The following CHST9 variants were observed in gnomAD, a reference collection of about 807,000 sequenced individuals.
The protein encoded by CHST9 is carbohydrate sulfotransferase 9.
Under a neutral mutation model 44.4 loss-of-function variants are expected in CHST9, and 41 were observed. That is an observed-to-expected ratio of 0.92 (90% CI 0.72 to 1.20). CHST9 has a LOEUF of 1.20. Among genes scored for constraint, CHST9 ranks in the 50% most tolerant of loss-of-function variants. The probability of loss-of-function intolerance (pLI) is 0.00; values close to 1 mark genes in which losing one functional copy is unlikely to be tolerated. For synonymous variants in CHST9, 171 were observed against 178.4 expected (o/e 0.96, Z 0.33); for missense variants, 504 against 516.5 (o/e 0.98, Z 0.23).
chr18:26,925,587 G>C (rs576419406), intron 5 of CHST9, among the ~76,000 whole-genome samples: 1 of 152,194 alleles, frequency 6.6e-6, no homozygotes, highest in Non-Finnish European at 1.5e-5. Context: ...GATAATGGTC[G>C]TTAAGAACAT....
intron 5 of CHST9, among the ~76,000 whole-genome samples, chr18:26,940,663 C>A (rs960779697): frequency 1.6e-4 from 24 of 152,130 alleles, no homozygotes; most frequent in African/African-American, 4.8e-4. Flanking sequence ...GAGATCCCAT[C>A]AGAAGTGCCC....
intron 4 of CHST9, among the ~76,000 whole-genome samples, chr18:26,974,352 A>G (rs2056591075): frequency 6.6e-6 from 1 of 152,236 alleles, no homozygotes; most frequent in Non-Finnish European, 1.5e-5. Context: ...CAGTGTTCCA[A>G]CACAGGTGGA....
intron 3 of CHST9, among the ~76,000 whole-genome samples, chr18:27,047,216 G>T (rs1411488022): frequency 6.6e-6 from 1 of 151,984 alleles, no homozygotes; most frequent in Non-Finnish European, 1.5e-5. Flanking sequence ...GGCCAACTTA[G>T]CTTTCTTCCA....
chr18:27,094,009 T>C (rs1391123899), intron 2 of CHST9, among the ~76,000 whole-genome samples: 2 of 152,172 alleles, frequency 1.3e-5, no homozygotes, highest in Non-Finnish European at 2.9e-5. Flanking sequence ...AAAAACCATA[T>C]AGTGGAGCAC....
chr18:27,180,243 A>G (rs543041826), intron 1 of CHST9, among the ~76,000 whole-genome samples: 21 of 152,280 alleles, frequency 1.4e-4, no homozygotes, highest in Non-Finnish European at 2.9e-4. Flanking sequence ...TTTATTCATC[A>G]TATATTCATA....
At position 27,010,765 on chromosome 18, in the gene CHST9, C is replaced by G. The variant is rs76475590; in HGVS notation, c.202+13351G>C. ...AAATGTCTCAAGGGATGATGGGAAG[C>G]CCCATCTTGATATCTGATTGGGAAT... On this transcript the variant is annotated intron_variant, in intron 4 of 5. Transcript: ENST00000618847. 7.8e-3 allele frequency among the ~76,000 whole-genome samples: 1,185 copies of G among 152,262 alleles called. 19 individuals carry two copies. Among genetic ancestry groups the G allele is most frequent in the African/African-American group, 0.026 (1,099 of 41,540 alleles).
intron 1 of CHST9, among the ~76,000 whole-genome samples, chr18:27,177,416 A>G (rs1425812856): frequency 6.6e-6 from 1 of 151,862 alleles, no homozygotes; most frequent in East Asian, 1.9e-4. Context: ...AGCTGGACCT[A>G]TAGGTCACCA....
chr18:27,150,537 A>G lies in CHST9; in HGVS notation c.-96-7632T>C, dbSNP rs116156316. Among the ~76,000 whole-genome samples, 1,207 of 152,094 alleles carry G rather than the reference A, an allele frequency of 7.9e-3. 19 individuals are homozygous for G. The highest frequency in any genetic ancestry group is 0.028 in the African/African-American group (1,148 of 41,404). On this transcript the variant is annotated intron_variant, in intron 1 of 5. Coordinates refer to ENST00000618847, the MANE Select transcript of CHST9 (RefSeq NM_031422.6). ...CAGCAGCTTCCAAATTTAAAGTCTA[A>G]CAGGCTTACTACAGTTTCAGCCCAT...
intron 2 of CHST9, among the ~76,000 whole-genome samples, chr18:27,075,069 A>T (rs1186138397): frequency 1.3e-5 from 2 of 151,242 alleles, no homozygotes; most frequent in African/African-American, 4.8e-5. Context: ...ATAAAGAAAA[A>T]TGAAACACTC....
intron 2 of CHST9, among the ~76,000 whole-genome samples, chr18:27,130,177 T>C (rs1347039050): frequency 6.6e-6 from 1 of 152,224 alleles, no homozygotes; most frequent in African/African-American, 2.4e-5. Flanking sequence ...GAAAATTACG[T>C]AGTTTGGACT....
intron 2 of CHST9, among the ~76,000 whole-genome samples, chr18:27,140,256 C>A (rs771581933): frequency 1.3e-5 from 2 of 152,190 alleles, no homozygotes; most frequent in Non-Finnish European, 2.9e-5. Flanking sequence ...GGATACGCCC[C>A]TTATCCCTCT....
chr18:26,978,440 C>T (rs898353881), intron 4 of CHST9, among the ~76,000 whole-genome samples: 1 of 151,874 alleles, frequency 6.6e-6, no homozygotes, highest in Non-Finnish European at 1.5e-5. Context: ...TTATTGCCAC[C>T]CCTCACAAAT....
chr18:27,141,497 A>T lies in CHST9; in HGVS notation c.121+1192T>A, dbSNP rs374379779. Reference sequence around the variant, plus strand: ...ACCCAGCTACTTGGGAGGCTGAGGCAGAAGAATCACTTGAACCTGGGAGGC... The same window carrying T: ...ACCCAGCTACTTGGGAGGCTGAGGCTGAAGAATCACTTGAACCTGGGAGGC... On this transcript the variant is annotated intron_variant, in intron 2 of 5. Coordinates refer to ENST00000618847, the MANE Select transcript of CHST9 (RefSeq NM_031422.6). Among the ~76,000 whole-genome samples, 11 of 150,770 alleles carry T rather than the reference A, an allele frequency of 7.3e-5. No homozygotes were observed. The East Asian group carries it at 2.2e-3, about 30-fold the overall frequency.
chr18:27,069,514 T>C (rs975910848), intron 2 of CHST9, among the ~76,000 whole-genome samples: 6 of 152,222 alleles, frequency 3.9e-5, no homozygotes, highest in Admixed American at 1.3e-4. Context: ...CTTCTTCCTA[T>C]ACTCATATTA....
chr18:27,154,830 C>G (rs2058685842), intron 1 of CHST9, among the ~76,000 whole-genome samples: 1 of 151,894 alleles, frequency 6.6e-6, no homozygotes, highest in Non-Finnish European at 1.5e-5. Flanking sequence ...TGCCTGTAAT[C>G]CCAGCACTTT....
chr18:26,943,866 C>G lies in CHST9; in HGVS notation c.240+463G>C, dbSNP rs546110854. ...GCCAACTGTGAGTAGAAACAAAAGA[C>G]CAGAATGGAAGATCAACTTGTGGTA... On this transcript the variant is annotated intron_variant, in intron 5 of 5. Transcript: ENST00000618847. Among the ~76,000 whole-genome samples, 85 of 152,242 alleles carry G rather than the reference C, an allele frequency of 5.6e-4. 1 individual carries two copies. Among genetic ancestry groups the G allele is most frequent in the African/African-American group, 2.0e-3 (83 of 41,542 alleles).
chr18:27,144,580 G>A (rs111758679), intron 1 of CHST9, among the ~76,000 whole-genome samples: 5 of 152,070 alleles, frequency 3.3e-5, no homozygotes, highest in African/African-American at 1.2e-4. Flanking sequence ...CCCAGATACT[G>A]GAAAGCCTGA....
intron 1 of CHST9, among the ~76,000 whole-genome samples, chr18:27,148,871 T>C (rs372768556): frequency 7.1e-6 from 1 of 140,472 alleles, no homozygotes; most frequent in African/African-American, 2.6e-5. Context: ...TACAGTTCCA[T>C]CAACAGTGTA....
At chr18:27,091,055 A>T (rs2058063647) in intron 2 of CHST9, among the ~76,000 whole-genome samples, 1 of 152,078 alleles carries the variant, frequency 6.6e-6, no homozygotes. Flanking sequence ...CATTTTCATG[A>T]TATTGATTCT....
Sources: gnomAD v4.1 joint callset for allele counts (sites outside exome capture counted in the v4.1 genomes callset) on GRCh38, gnomAD v4.1.1 for gene constraint, MANE v1.5 for transcripts, NCBI Gene and HGNC (gene_info 2026-07-23, HGNC 2026-07-21) for gene names.